SYNPO: variants seen among roughly 807,000 people sequenced by gnomAD.
The protein encoded by SYNPO is synaptopodin.
A neutral mutation model predicts 49.5 loss-of-function variants in SYNPO; 19 were observed. The ratio of observed to expected loss-of-function variants is 0.38; its 90% CI spans 0.27 to 0.56. The LOEUF (loss-of-function observed/expected upper bound fraction) is 0.56, where lower values mean the gene tolerates loss of function less well. Among genes scored for constraint, SYNPO ranks in the 20% least tolerant of loss-of-function variants. The probability of loss-of-function intolerance (pLI) is 0.68; values close to 1 mark genes in which losing one functional copy is unlikely to be tolerated. For synonymous variants in SYNPO, 536 were observed against 548.0 expected, an observed-to-expected ratio of 0.98 and a Z score of 0.31; for missense variants, 1,131 against 1,248.3, an observed-to-expected ratio of 0.91 and a Z score of 1.42.
At chr5:150,618,316 T>C in exon 2 of SYNPO, 1 of 1,510,520 alleles carries the variant, frequency 6.6e-7, no homozygotes, top group Non-Finnish European at 8.9e-7. Context: ...GCCCAGGCCC[T>C]GGCCCAGGCC....
chr5:150,641,697 A>T lies in SYNPO; in HGVS notation c.-333+843A>T, dbSNP rs76164165. 7.4e-4 allele frequency among the ~76,000 whole-genome samples: 113 copies of T among 152,334 alleles called. 3 individuals are homozygous for T. The East Asian group carries it at 0.02, about 27-fold the overall frequency. ...GGGTCTTCTGACTCCCAACATAGTG[A>T]TCTTCCCACTCTACTCATCTTTCAT... On this transcript the variant is annotated intron_variant, in intron 1 of 2. Transcript: ENST00000307662.
chr5:150,592,852 A>G, the SYNPO span, among the ~76,000 whole-genome samples: 2 of 152,312 alleles, frequency 1.3e-5, no homozygotes, highest in Admixed American at 1.3e-4. Context: ...ATCTCCTCTA[A>G]TACCACCTAC....
the SYNPO span, among the ~76,000 whole-genome samples, chr5:150,589,818 G>A: frequency 2.0e-5 from 3 of 152,336 alleles, no homozygotes; most frequent in Non-Finnish European, 2.9e-5. Context: ...GAGTCCCTGT[G>A]AGCCCTTTCA....
chr5:150,653,771 A>C (rs763559818), intron 2 of SYNPO: 31 of 152,288 alleles, frequency 2.0e-4, no homozygotes, highest in Middle Eastern at 3.4e-3. Context: ...ATGTATACAC[A>C]ATTCTGACCC....
chr5:150,602,841 G>A (rs564295512), intron 1 of SYNPO, among the ~76,000 whole-genome samples: 2 of 152,158 alleles, frequency 1.3e-5, no homozygotes, highest in Admixed American at 6.5e-5. Flanking sequence ...ACGTGTAGCC[G>A]CTTTCATCAT....
chr5:150,645,353 G>A (rs1758052193), intron 1 of SYNPO, among the ~76,000 whole-genome samples: 1 of 152,182 alleles, frequency 6.6e-6, no homozygotes, highest in African/African-American at 2.4e-5. Flanking sequence ...GGAGGAGAGG[G>A]GCAATGGAGG....
At chr5:150,602,234 G>T (rs1470128361) in intron 1 of SYNPO, among the ~76,000 whole-genome samples, 2 of 152,226 alleles carry the variant, frequency 1.3e-5, no homozygotes, top group African/African-American at 4.8e-5. Flanking sequence ...CAGGCTCTGG[G>T]TTCTGGTGGT....
At chr5:150,599,122 C>A (rs1229728560), upstream of SYNPO, among the ~76,000 whole-genome samples, 1 of 152,240 alleles carries the variant, frequency 6.6e-6, no homozygotes, top group Non-Finnish European at 1.5e-5. Context: ...GATTTAATGC[C>A]AGGATCCATT....
In SYNPO at chr5:150,640,705, C is replaced by A. The variant is rs1561649331; in HGVS notation, c.-482C>A. 6.1e-6 allele frequency: 6 copies of A among 985,472 alleles called. No individual in the cohort carries two copies. Among genetic ancestry groups the A allele is most frequent in the Non-Finnish European group, 7.2e-6 (6 of 829,948 alleles). The allele number at this position is 985,472 out of a possible 1,614,324, so 61.0% of individuals were successfully genotyped here. ...CATCTGTGGAGGAGAAAAGTCACAT[C>A]CAGCTCCTTCATGTTGCTGCCGATG... On this transcript the variant is annotated 5_prime_UTR_variant, in exon 1 of 3. Coordinates refer to ENST00000307662, the MANE Select transcript of SYNPO (RefSeq NM_007286.6).
chr5:150,649,115 G>A lies in SYNPO; in HGVS notation c.840G>A (p.Arg280=). Residue 280 remains arginine, a synonymous_variant, in exon 2 of 3, where the codon AGG becomes AGA. Transcript: ENST00000307662. The part of the protein sequence containing the change: ...PAPQPPSLPD[R]SPRPQRHIMS... ...CCCAGCCCCCCAGTTTGCCAGACAG[G>A]AGCCCCCGGCCACAGAGACACATAA... is the stretch of plus-strand genomic sequence containing the variant. The A allele has an allele frequency of 6.2e-7, 1 of 1,614,046 alleles. No homozygotes were observed.
intron 2 of SYNPO, among the ~76,000 whole-genome samples, chr5:150,626,227 C>T (rs1168661398): frequency 6.6e-6 from 1 of 152,164 alleles, no homozygotes; most frequent in Non-Finnish European, 1.5e-5. Context: ...CCACTACTTG[C>T]CATATTGTCT....
At chr5:150,619,859 C>T (rs986703159) in intron 2 of SYNPO, among the ~76,000 whole-genome samples, 1 of 152,346 alleles carries the variant, frequency 6.6e-6, no homozygotes, top group East Asian at 1.9e-4. Flanking sequence ...CATTGTCTAC[C>T]AGGCTGGGGT....
At chr5:150,599,277 C>T (rs1335278606), upstream of SYNPO, among the ~76,000 whole-genome samples, 1 of 152,236 alleles carries the variant, frequency 6.6e-6, no homozygotes, top group Non-Finnish European at 1.5e-5. Context: ...GAGAAGGGAC[C>T]CCACACACTT....
At chr5:150,654,975 A>G (rs1489280100) in intron 2 of SYNPO, among the ~76,000 whole-genome samples, 1 of 152,098 alleles carries the variant, frequency 6.6e-6, no homozygotes, top group African/African-American at 2.4e-5. Flanking sequence ...AAAATACAAA[A>G]TTAGCCAGGT....
At chr5:150,638,299 C>T (rs1757786118), upstream of SYNPO, among the ~76,000 whole-genome samples, 1 of 152,194 alleles carries the variant, frequency 6.6e-6, no homozygotes, top group Non-Finnish European at 1.5e-5. Flanking sequence ...CATTCTTCCC[C>T]TTAGGTCTAA....
At chr5:150,618,669 A>G (rs1223920820) in exon 2 of SYNPO, 25 of 1,551,230 alleles carry the variant, frequency 1.6e-5, no homozygotes, top group Non-Finnish European at 2.2e-5. Context: ...TCCCAGCACG[A>G]CGACAGGGCC....
At chr5:150,618,925 G>A (rs981959063) in intron 2 of SYNPO, among the ~76,000 whole-genome samples, 15 of 152,088 alleles carry the variant, frequency 9.9e-5, no homozygotes, top group African/African-American at 2.9e-4. Context: ...AGATAGGAGC[G>A]ACAGCGAGCT....
chr5:150,623,310 C>T (rs1164948030), intron 2 of SYNPO, among the ~76,000 whole-genome samples: 3 of 152,084 alleles, frequency 2.0e-5, no homozygotes, highest in Non-Finnish European at 4.4e-5. Context: ...ACGTACAGAC[C>T]GAATCACTTT....
intron 1 of SYNPO, among the ~76,000 whole-genome samples, chr5:150,612,937 C>G (rs1466567051): frequency 1.3e-5 from 2 of 152,050 alleles, no homozygotes; most frequent in Non-Finnish European, 2.9e-5. Flanking sequence ...TGCCACAATG[C>G]CTGGCTAATA....
Sources: gnomAD v4.1 joint callset for allele counts (sites outside exome capture counted in the v4.1 genomes callset) on GRCh38, gnomAD v4.1.1 for gene constraint, MANE v1.5 for transcripts, NCBI Gene and HGNC (gene_info 2026-07-23, HGNC 2026-07-21) for gene names.